CWH43: variants seen among roughly 807,000 people sequenced by gnomAD.
CWH43 encodes cell wall biogenesis 43 C-terminal homolog, also known as PGAP2-interacting protein.
CWH43 carries 91 observed loss-of-function variants against 85.7 expected under a neutral mutation model. The ratio of observed to expected loss-of-function variants is 1.06; its 90% CI spans 0.90 to 1.26. The LOEUF is 1.26. Among genes scored for constraint, CWH43 ranks in the 50% most tolerant of loss-of-function variants. CWH43 has a pLI of 0.00. For synonymous variants in CWH43, 323 were observed against 293.6 expected, an observed-to-expected ratio of 1.10 and a Z score of -1.02; for missense variants, 869 against 839.2, an observed-to-expected ratio of 1.04 and a Z score of -0.44.
chr4:49,053,049 G>A (rs1784846664), intron 15 of CWH43, among the ~76,000 whole-genome samples: 3 of 151,976 alleles, frequency 2.0e-5, no homozygotes, highest in African/African-American at 4.8e-5. Flanking sequence ...TTACCTTTCT[G>A]TGCCTGGATT....
intron 7 of CWH43, among the ~76,000 whole-genome samples, chr4:49,005,141 GA>G (rs1033275779): frequency 6.6e-6 from 1 of 151,684 alleles, no homozygotes; most frequent in Non-Finnish European, 1.5e-5. Flanking sequence ...TCTACATTTT[GA>G]AAAAAAATGA....
intron 15 of CWH43, among the ~76,000 whole-genome samples, chr4:49,061,104 A>G (rs1191528750): frequency 6.6e-6 from 1 of 152,176 alleles, no homozygotes; most frequent in African/African-American, 2.4e-5. Flanking sequence ...ATTATTATAA[A>G]AAGTCTTCTA....
chr4:49,060,052 A>G (rs1244714059), intron 15 of CWH43, among the ~76,000 whole-genome samples: 1 of 151,940 alleles, frequency 6.6e-6, no homozygotes, highest in Non-Finnish European at 1.5e-5. Flanking sequence ...AGATTCTGTT[A>G]CCTGGGCTGC....
intron 8 of CWH43, 124 bp from the exon 9 acceptor site, chr4:49,017,125 C>A: frequency 1.2e-6 from 1 of 818,194 alleles, no homozygotes; most frequent in South Asian, 1.5e-5. Context: ...CTTCCAGGTC[C>A]TCCAAGAAGA....
chr4:48,988,333 CA>C, intron 1 of CWH43, 143 bp from the exon 2 acceptor site: 4 of 466,534 alleles, frequency 8.6e-6, no homozygotes, highest in Non-Finnish European at 1.5e-5. Flanking sequence ...TGTTCCATGT[CA>C]GTGGAGACAA....
intron 8 of CWH43, among the ~76,000 whole-genome samples, chr4:49,009,288 G>C (rs912934512): frequency 3.3e-5 from 5 of 152,174 alleles, no homozygotes; most frequent in Non-Finnish European, 1.5e-5. Context: ...TCTGTTATTG[G>C]TGTATAGGAA....
intron 11 of CWH43, among the ~76,000 whole-genome samples, chr4:49,031,511 TG>T (rs33939243): frequency 0.58 from 88,464 of 151,790 alleles, 28,603 homozygotes; most frequent in Admixed American, 0.75. Flanking sequence ...GCCTGGAGCA[TG>T]GGGGGCCAAA....
chr4:49,009,428 C>T (rs1390708075), intron 8 of CWH43, among the ~76,000 whole-genome samples: 1 of 152,138 alleles, frequency 6.6e-6, no homozygotes, highest in Admixed American at 6.6e-5. Context: ...CAAACAGGGA[C>T]AATTTGACTT....
chr4:48,994,961 A>G (rs1190894320), intron 5 of CWH43, 141 bp downstream of exon 5: 6 of 770,750 alleles, frequency 7.8e-6, no homozygotes, highest in African/African-American at 1.7e-5. Flanking sequence ...GCATGAAATT[A>G]TTGTGTGCTC....
chr4:49,001,871 G>T (rs570391927), intron 6 of CWH43, among the ~76,000 whole-genome samples: 1 of 152,044 alleles, frequency 6.6e-6, no homozygotes, highest in Non-Finnish European at 1.5e-5. Flanking sequence ...ATTGTAAGCC[G>T]TAAGTAAGAA....
At chr4:49,044,687 C>G (rs1784566869) in intron 13 of CWH43, 99 bp from the exon 14 acceptor site, 5 of 876,108 alleles carry the variant, frequency 5.7e-6, no homozygotes, top group African/African-American at 1.7e-5. Flanking sequence ...ACAGCATGTA[C>G]AAAGAGATAT....
chr4:49,005,762 A>G (rs954756385), intron 7 of CWH43, among the ~76,000 whole-genome samples: 1 of 151,800 alleles, frequency 6.6e-6, no homozygotes, highest in Non-Finnish European at 1.5e-5. Flanking sequence ...GCTGGCGTCG[A>G]ACTCCTGGGC....
chr4:49,004,341 C>T (rs1382017846), intron 7 of CWH43, among the ~76,000 whole-genome samples: 1 of 152,204 alleles, frequency 6.6e-6, no homozygotes, highest in Non-Finnish European at 1.5e-5. Context: ...CATGCTGCCA[C>T]TTCAGTGGTT....
chr4:49,015,919 T>C (rs1324447827), intron 8 of CWH43, among the ~76,000 whole-genome samples: 1 of 152,208 alleles, frequency 6.6e-6, no homozygotes, highest in African/African-American at 2.4e-5. Flanking sequence ...TTGAATACCC[T>C]CTTTTATTTC....
At chr4:48,996,889 G>C (rs1405074372) in intron 5 of CWH43, among the ~76,000 whole-genome samples, 1 of 152,192 alleles carries the variant, frequency 6.6e-6, no homozygotes, top group Admixed American at 6.5e-5. Flanking sequence ...CAACTCACAA[G>C]ACCAGCATTT....
intron 5 of CWH43, among the ~76,000 whole-genome samples, chr4:48,995,657 C>G (rs1263930739): frequency 6.6e-6 from 1 of 152,164 alleles, no homozygotes; most frequent in Non-Finnish European, 1.5e-5. Context: ...TCTTCTTCCC[C>G]CATTCCCAGG....
In CWH43 at chr4:48,991,953, G is replaced by A. The variant is rs1344600940; in HGVS notation, c.374G>A (p.Gly125Glu). 6.2e-6 allele frequency: 10 copies of A among 1,612,636 alleles called. No individual in the cohort carries two copies. Among genetic ancestry groups the A allele is most frequent in the Non-Finnish European group, 7.6e-6 (9 of 1,179,068 alleles). The change falls in exon 4 of 16, where the codon GGA becomes GAA. Residue 125 changes from glycine (G) to glutamate (E), a missense_variant. Around this residue, in one of 3 missense-constraint regions of CWH43, gnomAD observed 152 missense variants for 203.6 expected, o/e 0.75. Transcript: ENST00000226432. The stretch of plus-strand genomic sequence containing the variant: ...ACTTACAGGTACCTCAGAATTTGGG[G>A]ATTCATTTTAGGACAGATTGTTCTT... ...SHLQRYLRIW[G>E]FILGQIVLVV...
At chr4:49,053,884 A>C (rs925788352) in intron 15 of CWH43, among the ~76,000 whole-genome samples, 4 of 152,290 alleles carry the variant, frequency 2.6e-5, no homozygotes, top group African/African-American at 9.6e-5. Flanking sequence ...AAAATCTGAA[A>C]TACTTCTGGT....
intron 6 of CWH43, among the ~76,000 whole-genome samples, chr4:49,000,489 G>A (rs1388651532): frequency 6.6e-6 from 1 of 152,168 alleles, no homozygotes; most frequent in African/African-American, 2.4e-5. Context: ...AGATTCCTCA[G>A]GAAAAGGGCC....
Sources: gnomAD v4.1 joint callset for allele counts (sites outside exome capture counted in the v4.1 genomes callset) on GRCh38, gnomAD v4.1.1 for gene constraint, gnomAD v4.1.1 regional missense constraint, MANE v1.5 for transcripts, NCBI Gene and HGNC (gene_info 2026-07-23, HGNC 2026-07-21) for gene names.